SHE: variants seen among roughly 807,000 people sequenced by gnomAD.
The protein encoded by SHE is Src homology 2 domain containing E, also known as SH2 domain-containing adapter protein E.
Under a neutral mutation model 49.8 loss-of-function variants are expected in SHE, and 11 were observed. The observed-to-expected ratio is 0.22, with a 90% confidence interval of 0.14 to 0.37. The LOEUF (loss-of-function observed/expected upper bound fraction) is 0.37, where lower values mean the gene tolerates loss of function less well. SHE is among the 10% of genes least tolerant of loss of function. The pLI is 1.00. For synonymous variants in SHE, 310 were observed against 278.1 expected (o/e 1.11, Z -1.14); for missense variants, 624 against 655.5 (o/e 0.95, Z 0.52).
At position 154,486,601 on chromosome 1, in the gene SHE, C is replaced by A. The variant is rs1446372779; in HGVS notation, c.1107G>T (p.Lys369Asn). Residue 369 changes from lysine (K) to asparagine (N), a missense_variant, in exon 4 of 6, where the codon AAG (lysine) becomes AAT (asparagine). By Grantham distance (94) the Lys-to-Asn change is moderately conservative. This residue lies in a region of SHE where 125 missense variants were observed against 181.7 expected (regional missense o/e 0.69). Transcript: ENST00000304760. Reference protein sequence around the residue: ...QHHRQKSWTQKILKPALSDHS... With the variant: ...QHHRQKSWTQNILKPALSDHS... Reference sequence around the variant, plus strand: ...GGTCCGAGAGGGCTGGCTTCAGGATCTTCTGGGTCCAGCTCTTCTGCCGGT... The same window carrying A: ...GGTCCGAGAGGGCTGGCTTCAGGATATTCTGGGTCCAGCTCTTCTGCCGGT... The A allele has an allele frequency of 6.2e-7, 1 of 1,614,092 alleles. No homozygotes were observed. Among genetic ancestry groups the A allele is most frequent in the African/African-American group, 1.3e-5 (1 of 74,920 alleles).
rs769206187 is a variant in SHE at position 154,485,933 on chromosome 1, G to T, written c.1301+10C>A. ...CCTTGGAGATGAGGAAAGCCATGGG[G>T]CTTACTTACTTTAGGGCAATGGAGT... On this transcript the variant is annotated intron_variant, in intron 5 of 5. Transcript: ENST00000304760. 1 of 1,612,482 alleles carries T rather than the reference G, an allele frequency of 6.2e-7. No homozygotes were observed. The highest frequency in any genetic ancestry group is 1.3e-5 in the African/African-American group (1 of 74,894).
At position 154,486,126 on chromosome 1, in the gene SHE, C is replaced by A. The variant is rs1692169097; in HGVS notation, c.1182-64G>T. On this transcript the variant is annotated intron_variant, in intron 4 of 5. Transcript: ENST00000304760. ...TGTCAAAATACAAATCCAGACTGGG[C>A]ATTGCTCCATAAAGCGTTGTTTGAA... 3.2e-6 allele frequency: 5 copies of A among 1,581,982 alleles called. No individual in the cohort carries two copies. The South Asian group carries it at 5.5e-5, about 18-fold the overall frequency.
At position 154,501,825 on chromosome 1, in the gene SHE, T is replaced by C. The variant is rs1692774917; in HGVS notation, c.202A>G (p.Asn68Asp). The C allele has an allele frequency of 6.4e-7, 1 of 1,550,626 alleles. No homozygotes were observed. Among genetic ancestry groups the C allele is most frequent in the Non-Finnish European group, 8.7e-7 (1 of 1,155,776 alleles). ...PGGGGGKLRKNSEAGGAGPGP... is the reference protein window; with the variant it reads ...PGGGGGKLRKDSEAGGAGPGP... ...GGCCCAGCGCCGCCCGCCTCCGAGT[T>C]CTTGCGCAATTTGCCGCCGCCGCCC... The change falls in exon 1 of 6, where the codon AAC (asparagine) becomes GAC (aspartate). Residue 68 changes from asparagine (N) to aspartate (D), a missense_variant. This residue lies in a region of SHE where 337 missense variants were observed against 306.0 expected (regional missense o/e 1.10). Transcript: ENST00000304760.
In SHE at chr1:154,480,890, T is replaced by C. The variant is rs940192291; in HGVS notation, c.*3259A>G. 1.2e-5 allele frequency: 12 copies of C among 985,290 alleles called. No homozygotes were observed. Among genetic ancestry groups the C allele is most frequent in the Admixed American group, 6.1e-5 (1 of 16,268 alleles). 61.0% of individuals were successfully genotyped at this position (985,290 alleles called of 1,614,324 possible). A position where few individuals can be genotyped will look rare whatever the true frequency, so the allele number is the denominator to read the frequency against. On this transcript the variant is annotated 3_prime_UTR_variant, in exon 6 of 6. Coordinates refer to ENST00000304760, the MANE Select transcript of SHE (RefSeq NM_001010846.3). ...TAGGCCTGAAACTAACCAACTGAAC[T>C]TGTCCAGTCATCGCAAGCAAGTATT... is the stretch of plus-strand genomic sequence containing the variant.
downstream of SHE, among the ~76,000 whole-genome samples, chr1:154,477,173 G>A (rs1037770430): frequency 6.6e-6 from 1 of 152,198 alleles, no homozygotes; most frequent in African/African-American, 2.4e-5. Context: ...TGGAGGTGGA[G>A]ATGGATACCG....
chr1:154,490,684 T>A lies in SHE; in HGVS notation c.719-1328A>T, dbSNP rs78092082. On this transcript the variant is annotated intron_variant, in intron 2 of 5. Transcript: ENST00000304760. The stretch of plus-strand genomic sequence containing the variant: ...CACAAAGGAGAGAGGCAATGGGTAA[T>A]GGGAGAAGCAGCTGGAAGCATAGGC... 1.6e-3 allele frequency among the ~76,000 whole-genome samples: 243 copies of A among 152,022 alleles called. 6 individuals are homozygous for A. In the East Asian group the frequency reaches 0.042, roughly 26 times the overall value.
chr1:154,502,258 C>T lies in SHE; in HGVS notation c.-232G>A. 1 of 233,996 alleles carries T rather than the reference C, an allele frequency of 4.3e-6. No homozygotes were observed. Among genetic ancestry groups the T allele is most frequent in the Non-Finnish European group, 8.0e-6 (1 of 124,488 alleles). 14.5% of individuals were successfully genotyped at this position (233,996 alleles called of 1,614,324 possible). A position where few individuals can be genotyped will look rare whatever the true frequency, so the allele number is the denominator to read the frequency against. On this transcript the variant is annotated 5_prime_UTR_variant, in exon 1 of 6. Coordinates refer to ENST00000304760, the MANE Select transcript of SHE (RefSeq NM_001010846.3). ...CCCGGCCCGAGGACACCGTGGCTCT[C>T]GGAGGCGGCGGGCGCCGGGGGCTTC...
chr1:154,493,321 C>T (rs1692424324), intron 2 of SHE, among the ~76,000 whole-genome samples: 1 of 152,204 alleles, frequency 6.6e-6, no homozygotes, highest in Non-Finnish European at 1.5e-5. Flanking sequence ...ACCTGGCTGC[C>T]CCCAAACCTG....
intron 2 of SHE, among the ~76,000 whole-genome samples, chr1:154,490,217 G>A (rs769166680): frequency 6.6e-6 from 1 of 152,300 alleles, no homozygotes; most frequent in South Asian, 2.1e-4. Flanking sequence ...ATAACTCCAG[G>A]ATAAATCAAA....
In SHE at chr1:154,496,887, A is replaced by G. The variant is rs117652897; in HGVS notation, c.718+2225T>C. 3.3e-4 allele frequency among the ~76,000 whole-genome samples: 50 copies of G among 152,366 alleles called. 1 individual carries two copies. In the East Asian group the frequency reaches 9.4e-3, roughly 29 times the overall value. On this transcript the variant is annotated intron_variant, in intron 2 of 5. Coordinates refer to ENST00000304760, the MANE Select transcript of SHE (RefSeq NM_001010846.3). The stretch of plus-strand genomic sequence containing the variant: ...ACCTACTTCAGTTAAAGAGAAAGAT[A>G]AGAATAAAAACCCAAGGACAAAGAA...
chr1:154,497,393 G>C (rs138399478), intron 2 of SHE, among the ~76,000 whole-genome samples: 33 of 152,364 alleles, frequency 2.2e-4, no homozygotes, highest in African/African-American at 7.7e-4. Flanking sequence ...AGGCTCCCTT[G>C]AGTCAGCATT....
chr1:154,496,589 A>G (rs536373908), intron 2 of SHE, among the ~76,000 whole-genome samples: 26 of 152,262 alleles, frequency 1.7e-4, no homozygotes, highest in Non-Finnish European at 3.2e-4. Flanking sequence ...CAGACCACTC[A>G]ATGTGGAGTG....
chr1:154,495,825 C>A (rs995531151), intron 2 of SHE, among the ~76,000 whole-genome samples: 2 of 152,080 alleles, frequency 1.3e-5, no homozygotes, highest in African/African-American at 4.8e-5. Context: ...TAAAACCAGG[C>A]CTGTAATTCC....
In SHE at chr1:154,502,370, A is replaced by C; in HGVS notation, c.-344T>G. 2 of 160,516 alleles carry C rather than the reference A, an allele frequency of 1.2e-5. No individual in the cohort carries two copies. Among genetic ancestry groups the C allele is most frequent in the East Asian group, 1.8e-4 (1 of 5,470 alleles). 9.9% of individuals were successfully genotyped at this position (160,516 alleles called of 1,614,324 possible). On this transcript the variant is annotated 5_prime_UTR_variant, in exon 1 of 6. Transcript: ENST00000304760. ...CCCACGCTCCCAGGGACCAGAGAGG[A>C]CCGAGCGGAGGCGGCGGGAGTATCC...
chr1:154,470,134 A>G (rs1691707173), exon 2 of SHE: 1 of 377,260 alleles, frequency 2.7e-6, no homozygotes, highest in African/African-American at 2.1e-5. Context: ...CATCTCCTTC[A>G]GGACACCATG....
chr1:154,499,334 G>A, intron 1 of SHE, 96 bp from the exon 2 acceptor site: 1 of 1,415,210 alleles, frequency 7.1e-7, no homozygotes, highest in Non-Finnish European at 9.5e-7. Context: ...GCATATCCAA[G>A]GAGGTCAAAA....
At chr1:154,472,045 CG>C (rs1691758332) in intron 1 of SHE, among the ~76,000 whole-genome samples, 1 of 151,354 alleles carries the variant, frequency 6.6e-6, no homozygotes, top group Non-Finnish European at 1.5e-5. Flanking sequence ...TGGTGGTGGG[CG>C]CCTGTAGTCC....
intron 1 of SHE, among the ~76,000 whole-genome samples, chr1:154,500,790 G>A (rs954629329): frequency 1.2e-4 from 19 of 152,158 alleles, no homozygotes; most frequent in African/African-American, 4.3e-4. Flanking sequence ...ATTTCCTTGA[G>A]AGCATTTCCT....
In SHE at chr1:154,483,606, G is replaced by A. The variant is rs1692081379; in HGVS notation, c.*543C>T. Reference sequence around the variant, plus strand: ...AAGAACACCCTACCCCAGAGCTGGAGGCAACAGCTAAATCATGATTTCTTA... The same window carrying A: ...AAGAACACCCTACCCCAGAGCTGGAAGCAACAGCTAAATCATGATTTCTTA... On this transcript the variant is annotated 3_prime_UTR_variant, in exon 6 of 6. Transcript: ENST00000304760. 2.6e-5 allele frequency: 26 copies of A among 985,688 alleles called. 1 individual carries two copies. The highest frequency in any genetic ancestry group is 3.0e-5 in the Non-Finnish European group (25 of 830,282). The allele number at this position is 985,688 out of a possible 1,614,324, so 61.1% of individuals were successfully genotyped here. A position where few individuals can be genotyped will look rare whatever the true frequency, so the allele number is the denominator to read the frequency against.
Sources: allele counts gnomAD v4.1 joint callset (sites outside exome capture counted in the v4.1 genomes callset), GRCh38; gene constraint gnomAD v4.1.1; regional missense constraint gnomAD v4.1.1; transcripts MANE v1.5; gene names NCBI Gene and HGNC (gene_info 2026-07-23, HGNC 2026-07-21).